ERC1: variants seen among roughly 807,000 people sequenced by gnomAD.
ERC1 encodes RAB6 interacting protein 2.
Under a neutral mutation model 132.0 loss-of-function variants are expected in ERC1, and 56 were observed. The ratio of observed to expected loss-of-function variants is 0.42; its 90% CI spans 0.34 to 0.53. The LOEUF is 0.53. Ranked by LOEUF, ERC1 falls within the 20% of genes least tolerant of loss-of-function variation. The pLI, the probability that ERC1 is intolerant of heterozygous loss-of-function variation, is 0.03. For synonymous variants in ERC1, 478 were observed against 476.1 expected (o/e 1.00, Z -0.05); for missense variants, 1,202 against 1,349.9 (o/e 0.89, Z 1.72).
intron 14 of ERC1, among the ~76,000 whole-genome samples, chr12:1,266,066 CTG>C (rs1566432015): frequency 1.3e-5 from 2 of 152,152 alleles, no homozygotes; most frequent in Non-Finnish European, 2.9e-5. Context: ...GGGTAAATAA[CTG>C]TGAGTGTGAT....
At position 1,304,427 on chromosome 12, in the gene ERC1, T is replaced by C. The variant is rs369053658; in HGVS notation, c.2780+14415T>C. Among the ~76,000 whole-genome samples, 15 of 152,334 alleles carry C rather than the reference T, an allele frequency of 9.8e-5. No homozygotes were observed. In the South Asian group the frequency reaches 1.5e-3, roughly 15 times the overall value. Reference sequence around the variant, plus strand: ...CTAGACAGAGTCCCGTGCCAAGTCATTGAGGAGGGAAAGTGGGATTATCGT... The same window carrying C: ...CTAGACAGAGTCCCGTGCCAAGTCACTGAGGAGGGAAAGTGGGATTATCGT... On this transcript the variant is annotated intron_variant, in intron 15 of 18. Coordinates refer to ENST00000360905, the MANE Select transcript of ERC1 (RefSeq NM_178040.4).
chr12:1,375,918 A>G (rs1375421160), intron 16 of ERC1, among the ~76,000 whole-genome samples: 1 of 151,702 alleles, frequency 6.6e-6, no homozygotes, highest in East Asian at 1.9e-4. Flanking sequence ...TTGTATTTTT[A>G]GTAGAGACGG....
chr12:1,477,313 C>T (rs1379684643), intron 18 of ERC1, among the ~76,000 whole-genome samples: 1 of 152,024 alleles, frequency 6.6e-6, no homozygotes. Flanking sequence ...TAATAAATGC[C>T]CAGTAAGTTA....
At chr12:1,439,247 A>G (rs2093036043) in intron 17 of ERC1, among the ~76,000 whole-genome samples, 1 of 152,178 alleles carries the variant, frequency 6.6e-6, no homozygotes, top group Admixed American at 6.5e-5. Flanking sequence ...TGAGTTGCAG[A>G]AGTGGAATGC....
At chr12:1,055,621 A>ATATATGTAT (rs1454309031) in intron 2 of ERC1, among the ~76,000 whole-genome samples, 10 of 152,216 alleles carry the variant, frequency 6.6e-5, no homozygotes, top group African/African-American at 2.4e-4. Context: ...TTTTAGGGGA[A>ATATATGTAT]ATACATGTAT....
At chr12:1,214,660 A>G (rs1958206177) in intron 12 of ERC1, among the ~76,000 whole-genome samples, 2 of 87,844 alleles carry the variant, frequency 2.3e-5, no homozygotes, top group Non-Finnish European at 4.3e-5. Flanking sequence ...GCGTGTGTGT[A>G]TACATACACA....
intron 18 of ERC1, among the ~76,000 whole-genome samples, chr12:1,459,822 A>G (rs1240693372): frequency 2.0e-5 from 3 of 152,366 alleles, no homozygotes; most frequent in South Asian, 2.1e-4. Context: ...GGACACGTCA[A>G]TGTGTGCCTC....
chr12:1,375,130 A>G (rs1418022569), intron 16 of ERC1, among the ~76,000 whole-genome samples: 1 of 152,176 alleles, frequency 6.6e-6, no homozygotes, highest in South Asian at 2.1e-4. Flanking sequence ...ACACTGCTGT[A>G]AAGTACTACC....
chr12:1,159,914 G>A (rs1951734427), intron 8 of ERC1, among the ~76,000 whole-genome samples: 1 of 152,142 alleles, frequency 6.6e-6, no homozygotes, highest in South Asian at 2.1e-4. Flanking sequence ...CTTGTTTAAC[G>A]ATGTAATGTG....
intron 7 of ERC1, among the ~76,000 whole-genome samples, chr12:1,136,132 A>G (rs1949230303): frequency 6.6e-6 from 1 of 152,198 alleles, no homozygotes; most frequent in African/African-American, 2.4e-5. Flanking sequence ...TCCCTTATAT[A>G]CAACCAATAA....
At chr12:1,237,081 T>A (rs939816660) in intron 13 of ERC1, among the ~76,000 whole-genome samples, 177 bp downstream of exon 13, 9 of 152,196 alleles carry the variant, frequency 5.9e-5, no homozygotes, top group Non-Finnish European at 1.5e-5. Context: ...AAAATGCAAG[T>A]TTTATTCCAC....
At chr12:1,076,189 T>C (rs1039492930) in intron 2 of ERC1, among the ~76,000 whole-genome samples, 5 of 152,202 alleles carry the variant, frequency 3.3e-5, no homozygotes, top group African/African-American at 1.2e-4. Context: ...TCCTGTACTT[T>C]TGCTGTGCTT....
chr12:1,117,517 G>C (rs561498952), intron 7 of ERC1, among the ~76,000 whole-genome samples: 31 of 152,220 alleles, frequency 2.0e-4, no homozygotes, highest in African/African-American at 7.0e-4. Context: ...TAAGGCTTTG[G>C]CTCTAGAGTC....
chr12:1,168,966 A>G (rs1289232600), intron 8 of ERC1, among the ~76,000 whole-genome samples: 1 of 152,170 alleles, frequency 6.6e-6, no homozygotes. Context: ...TTTATCCATG[A>G]ACTTCTGATT....
At chr12:1,314,979 A>G (rs1273051592) in intron 15 of ERC1, among the ~76,000 whole-genome samples, 1 of 152,224 alleles carries the variant, frequency 6.6e-6, no homozygotes, top group African/African-American at 2.4e-5. Context: ...CAAATGGTCT[A>G]ATGCCATAAA....
intron 17 of ERC1, among the ~76,000 whole-genome samples, chr12:1,438,976 A>G (rs2093028291): frequency 6.9e-6 from 1 of 145,408 alleles, no homozygotes; most frequent in Non-Finnish European, 1.5e-5. Context: ...TATATAAAAA[A>G]TGACATCTTT....
At chr12:1,211,399 C>T (rs12316040) in intron 12 of ERC1, among the ~76,000 whole-genome samples, 5 of 152,112 alleles carry the variant, frequency 3.3e-5, no homozygotes, top group African/African-American at 9.7e-5. Context: ...CCACCCGCCT[C>T]GGCCTCCCAA....
chr12:1,083,007 T>C (rs117469021), intron 2 of ERC1, 157 bp from the exon 3 acceptor site: 8 of 621,908 alleles, frequency 1.3e-5, no homozygotes, highest in Non-Finnish European at 2.2e-5. Flanking sequence ...GCATATTATC[T>C]CAATCATTTT....
chr12:1,322,543 A>C (rs1049572211), intron 15 of ERC1, among the ~76,000 whole-genome samples: 1 of 152,196 alleles, frequency 6.6e-6, no homozygotes, highest in Admixed American at 6.5e-5. Flanking sequence ...GCACTTACAG[A>C]AATTGCTAAG....
Sources: gnomAD v4.1 joint callset for allele counts (sites outside exome capture counted in the v4.1 genomes callset) on GRCh38, gnomAD v4.1.1 for gene constraint, MANE v1.5 for transcripts, NCBI Gene and HGNC (gene_info 2026-07-23, HGNC 2026-07-21) for gene names.